Variants in IMMP2L observed in about 807,000 individuals in gnomAD.
The protein encoded by IMMP2L is mitochondrial inner membrane protease subunit 2.
In IMMP2L, 18 loss-of-function variants were observed where a neutral mutation model predicts 19.3. The observed-to-expected ratio is 0.93, with a 90% CI of 0.64 to 1.38. IMMP2L has a LOEUF of 1.38. Among genes scored for constraint, IMMP2L ranks in the 40% most tolerant of loss-of-function variants. IMMP2L has a pLI of 0.00. For missense variants in IMMP2L, 233 were observed against 218.2 expected (o/e 1.07, Z -0.43); for synonymous variants, 76 against 73.0 (o/e 1.04, Z -0.21).
chr7:111,223,836 G>C (rs1311089861), intron 3 of IMMP2L, among the ~76,000 whole-genome samples: 1 of 152,094 alleles, frequency 6.6e-6, no homozygotes, highest in Non-Finnish European at 1.5e-5. Context: ...CCTTCGCTGA[G>C]ACCATAGCTC....
rs1168328985 is a variant in IMMP2L, at chr7:111,222,744, A to C, written c.240-259179T>G. The stretch of plus-strand genomic sequence containing the variant: ...GGAATGTATAAGTGTATAAAATAGC[A>C]AAACTACTTTTGAAAATAAGCTGAC... On this transcript the variant is annotated intron_variant, in intron 3 of 5. Transcript: ENST00000405709. Among the ~76,000 whole-genome samples the C allele has an allele frequency of 2.0e-5, 3 of 152,116 alleles. No individual in the cohort carries two copies. In the East Asian group the frequency reaches 5.8e-4, roughly 29 times the overall value.
chr7:111,205,775 T>C lies in IMMP2L; in HGVS notation c.240-242210A>G, dbSNP rs145485824. On this transcript the variant is annotated intron_variant, in intron 3 of 5. Transcript: ENST00000405709. ...GCTGCTCTAGAGCTGAGTCTAATCCTATACTGAGTTCCACAGAGGAGCCCA... is the reference window on the plus strand; with the variant it reads ...GCTGCTCTAGAGCTGAGTCTAATCCCATACTGAGTTCCACAGAGGAGCCCA... Among the ~76,000 whole-genome samples, 44 of 152,280 alleles carry C rather than the reference T, an allele frequency of 2.9e-4. No individual in the cohort carries two copies. The East Asian group carries it at 8.1e-3, about 28-fold the overall frequency.
chr7:111,343,805 G>A (rs1304285475), intron 3 of IMMP2L, among the ~76,000 whole-genome samples: 1 of 152,062 alleles, frequency 6.6e-6, no homozygotes, highest in Non-Finnish European at 1.5e-5. Flanking sequence ...AAGTAACCTT[G>A]TGATCACCAT....
At chr7:111,049,706 T>G (rs1455299143) in intron 3 of IMMP2L, among the ~76,000 whole-genome samples, 1 of 152,216 alleles carries the variant, frequency 6.6e-6, no homozygotes, top group African/African-American at 2.4e-5. Context: ...AAAAACTATT[T>G]GTCAAATACT....
intron 3 of IMMP2L, among the ~76,000 whole-genome samples, chr7:111,057,552 C>T (rs1398885578): frequency 1.3e-5 from 2 of 152,100 alleles, no homozygotes; most frequent in African/African-American, 4.8e-5. Context: ...ACAATATTTA[C>T]CATTCATAGA....
intron 3 of IMMP2L, among the ~76,000 whole-genome samples, chr7:111,106,017 T>C (rs1398325972): frequency 6.6e-6 from 1 of 151,952 alleles, no homozygotes; most frequent in African/African-American, 2.4e-5. Context: ...GTACAAATAA[T>C]AGGCAGTTAA....
At chr7:110,897,808 G>A (rs1008930318) in intron 4 of IMMP2L, among the ~76,000 whole-genome samples, 5 of 151,868 alleles carry the variant, frequency 3.3e-5, no homozygotes, top group East Asian at 1.9e-4. Context: ...AAAAATTATC[G>A]AATAGAAAAG....
At chr7:111,272,320 A>G (rs568785160) in intron 3 of IMMP2L, among the ~76,000 whole-genome samples, 4 of 152,216 alleles carry the variant, frequency 2.6e-5, no homozygotes, top group African/African-American at 9.6e-5. Context: ...TTGCTTTTTT[A>G]GCAAACTCCT....
chr7:111,116,698 T>G (rs1022200059), intron 3 of IMMP2L, among the ~76,000 whole-genome samples: 2 of 152,178 alleles, frequency 1.3e-5, no homozygotes, highest in African/African-American at 4.8e-5. Flanking sequence ...ACAGTTTTTA[T>G]TTTATTCCTT....
intron 3 of IMMP2L, among the ~76,000 whole-genome samples, chr7:111,068,731 C>A (rs1233802814): frequency 6.6e-6 from 1 of 152,088 alleles, no homozygotes; most frequent in African/African-American, 2.4e-5. Flanking sequence ...CTTCAATTTC[C>A]AACTAAAATG....
chr7:111,538,206 G>A (rs891243677), intron 1 of IMMP2L, among the ~76,000 whole-genome samples: 6 of 152,120 alleles, frequency 3.9e-5, no homozygotes, highest in African/African-American at 1.4e-4. Context: ...TTGCACTTAA[G>A]TGCTCAGTGT....
chr7:111,284,411 G>A (rs981381901), intron 3 of IMMP2L, among the ~76,000 whole-genome samples: 4 of 152,000 alleles, frequency 2.6e-5, no homozygotes, highest in African/African-American at 9.7e-5. Flanking sequence ...TTAGACAAAC[G>A]AAGCCAGCAT....
At chr7:111,196,236 G>A (rs947471542) in intron 3 of IMMP2L, among the ~76,000 whole-genome samples, 4 of 152,048 alleles carry the variant, frequency 2.6e-5, no homozygotes, top group Non-Finnish European at 4.4e-5. Flanking sequence ...TAATCTCTTG[G>A]AATAATGTGA....
intron 3 of IMMP2L, among the ~76,000 whole-genome samples, chr7:111,378,550 G>A (rs1830905102): frequency 6.6e-6 from 1 of 151,960 alleles, no homozygotes; most frequent in South Asian, 2.1e-4. Flanking sequence ...GGGCACCGCT[G>A]TAGTTGTAAC....
At chr7:110,724,064 C>G (rs969641529) in intron 5 of IMMP2L, 3 of 151,964 alleles carry the variant, frequency 2.0e-5, no homozygotes, top group African/African-American at 7.2e-5. Flanking sequence ...TTTTCTGTTC[C>G]TTAAGTAATT....
chr7:110,718,525 C>T (rs979673812), intron 5 of IMMP2L, among the ~76,000 whole-genome samples: 25 of 152,074 alleles, frequency 1.6e-4, no homozygotes, highest in African/African-American at 5.3e-4. Flanking sequence ...AAAGAGCAGA[C>T]TTAGTCTAAG....
intron 3 of IMMP2L, among the ~76,000 whole-genome samples, chr7:111,237,688 T>C (rs1403761199): frequency 6.6e-6 from 1 of 151,684 alleles, no homozygotes; most frequent in Non-Finnish European, 1.5e-5. Context: ...AATCTGTTTC[T>C]TTAAAAAAAA....
chr7:111,470,202 A>G (rs1462822558), intron 3 of IMMP2L, among the ~76,000 whole-genome samples: 4 of 152,144 alleles, frequency 2.6e-5, no homozygotes, highest in Non-Finnish European at 4.4e-5. Context: ...TTAAAATGGC[A>G]ATCATTAAAA....
chr7:110,807,702 T>C (rs1801726020), intron 5 of IMMP2L, among the ~76,000 whole-genome samples: 1 of 152,080 alleles, frequency 6.6e-6, no homozygotes, highest in South Asian at 2.1e-4. Flanking sequence ...AGTCTTTAAA[T>C]CTATCCTTTT....
Sources: allele counts gnomAD v4.1 joint callset (sites outside exome capture counted in the v4.1 genomes callset), GRCh38; gene constraint gnomAD v4.1.1; transcripts MANE v1.5; gene names NCBI Gene and HGNC (gene_info 2026-07-23, HGNC 2026-07-21).